MED31: variants seen among roughly 807,000 people sequenced by gnomAD.
MED31 encodes mediator complex subunit 31.
In MED31, 11 loss-of-function variants were observed where a neutral mutation model predicts 22.0. The ratio of observed to expected loss-of-function variants is 0.50; its 90% CI spans 0.31 to 0.83. MED31 has a LOEUF of 0.83. MED31 is among the 40% of genes least tolerant of loss of function. MED31 has a pLI of 0.04. For missense variants in MED31, 122 were observed against 155.3 expected (o/e 0.79, Z 1.14); for synonymous variants, 60 against 55.1 (o/e 1.09, Z -0.40).
intron 3 of MED31, among the ~76,000 whole-genome samples, chr17:6,646,519 G>A (rs1174098848): frequency 6.6e-6 from 1 of 152,152 alleles, no homozygotes; most frequent in Admixed American, 6.5e-5. Flanking sequence ...CCAACTCTGT[G>A]CCCCCAGAAA....
At chr17:6,645,183 G>A (rs78929485) in intron 3 of MED31, among the ~76,000 whole-genome samples, 4,124 of 152,296 alleles carry the variant, frequency 0.027, 177 homozygotes, top group African/African-American at 0.09. Flanking sequence ...GATAAGGACA[G>A]CCAAATTTCT....
At chr17:6,648,228 C>T (rs1476612922) in intron 3 of MED31, among the ~76,000 whole-genome samples, 1 of 152,220 alleles carries the variant, frequency 6.6e-6, no homozygotes, top group Non-Finnish European at 1.5e-5. Context: ...CACCTGAAGG[C>T]CTGTGTTTAG....
intron 3 of MED31, among the ~76,000 whole-genome samples, chr17:6,649,042 A>G (rs17736877): frequency 0.17 from 25,204 of 152,188 alleles, 2,669 homozygotes; most frequent in Non-Finnish European, 0.23. Context: ...TGCAGGCAAC[A>G]TAAGACGTAT....
chr17:6,649,410 A>T (rs1172962667), intron 3 of MED31, among the ~76,000 whole-genome samples: 1 of 152,202 alleles, frequency 6.6e-6, no homozygotes, highest in Non-Finnish European at 1.5e-5. Context: ...TAAATAAAAG[A>T]CAGCAACTCT....
rs1597631255 is a variant in MED31 at position 6,644,043 on chromosome 17, A to C, written c.*424T>G. 2.5e-6 allele frequency: 1 copy of C among 401,670 alleles called. No homozygotes were observed. Among genetic ancestry groups the C allele is most frequent in the African/African-American group, 2.1e-5 (1 of 48,624 alleles). The allele number at this position is 401,670 out of a possible 1,614,324, so 24.9% of individuals were successfully genotyped here. A position where few individuals can be genotyped will look rare whatever the true frequency, so the allele number is the denominator to read the frequency against. On this transcript the variant is annotated 3_prime_UTR_variant, in exon 4 of 4. Coordinates refer to ENST00000225728, the MANE Select transcript of MED31 (RefSeq NM_016060.3). ...TCAGTGACTCCGCTACTCTCACTAC[A>C]TCTTAGAGTAGAGTGGTAGAGTAGT...
In MED31 at chr17:6,644,023, G is replaced by T; in HGVS notation, c.*444C>A. 1 of 399,854 alleles carries T rather than the reference G, an allele frequency of 2.5e-6. No homozygotes were observed. Among genetic ancestry groups the T allele is most frequent in the South Asian group, 1.3e-4 (1 of 7,858 alleles). The allele number at this position is 399,854 out of a possible 1,614,324, so 24.8% of individuals were successfully genotyped here. ...TGTCCTATGATTTAAAGAGGTCAGT[G>T]ACTCCGCTACTCTCACTACATCTTA... On this transcript the variant is annotated 3_prime_UTR_variant, in exon 4 of 4. Coordinates refer to ENST00000225728, the MANE Select transcript of MED31 (RefSeq NM_016060.3).
intron 3 of MED31, among the ~76,000 whole-genome samples, chr17:6,647,845 AAG>A (rs1972784553): frequency 6.6e-6 from 1 of 152,240 alleles, no homozygotes; most frequent in Admixed American, 6.5e-5. Flanking sequence ...TGTGACAACC[AAG>A]AGAATGGTCT....
intron 3 of MED31, among the ~76,000 whole-genome samples, chr17:6,645,465 G>A (rs935213157): frequency 6.6e-6 from 1 of 152,120 alleles, no homozygotes; most frequent in African/African-American, 2.4e-5. Flanking sequence ...GGTTTCCTTG[G>A]AGAAAAGGGT....
At chr17:6,650,810 C>G (rs73351897) in intron 1 of MED31, among the ~76,000 whole-genome samples, 5 of 151,944 alleles carry the variant, frequency 3.3e-5, no homozygotes, top group Non-Finnish European at 5.9e-5. Flanking sequence ...GTTTCGCAAA[C>G]GCTAGGGGCT....
Position 6,644,224 on chromosome 17 carries a change from C to T in MED31, c.*243G>A. On this transcript the variant is annotated 3_prime_UTR_variant, in exon 4 of 4. Transcript: ENST00000225728. ...ACCTAACTTTTCCATTCTTAATCAG[C>T]TGATTATGCTAAATGCGTAAAAAAG... 6.0e-6 allele frequency: 3 copies of T among 502,726 alleles called. No homozygotes were observed. Among genetic ancestry groups the T allele is most frequent in the East Asian group, 3.3e-5 (1 of 30,602 alleles). 31.1% of individuals were successfully genotyped at this position (502,726 alleles called of 1,614,324 possible).
chr17:6,646,122 T>TA (rs1187170029), intron 3 of MED31, among the ~76,000 whole-genome samples: 2 of 152,078 alleles, frequency 1.3e-5, no homozygotes, highest in African/African-American at 2.4e-5. Flanking sequence ...AAATGCAACA[T>TA]ACGGGCCTAG....
chr17:6,649,540 G>T (rs114731762), intron 3 of MED31, among the ~76,000 whole-genome samples: 465 of 152,242 alleles, frequency 3.1e-3, no homozygotes, highest in African/African-American at 0.01. Context: ...AGTTCTTAGG[G>T]ACCAGAAACC....
intron 3 of MED31, among the ~76,000 whole-genome samples, chr17:6,645,087 G>A (rs866734034): frequency 6.6e-6 from 1 of 152,164 alleles, no homozygotes; most frequent in South Asian, 2.1e-4. Flanking sequence ...AGGACTATGC[G>A]CATACATTGT....
In MED31 at chr17:6,643,322, A is replaced by G. The variant is rs1597630684; in HGVS notation, c.*1145T>C. 1 of 235,572 alleles carries G rather than the reference A, an allele frequency of 4.2e-6. No homozygotes were observed. The highest frequency in any genetic ancestry group is 9.3e-5 in the East Asian group (1 of 10,718). 14.6% of individuals were successfully genotyped at this position (235,572 alleles called of 1,614,324 possible). ...GCACACCTTCCAAATCTCTCAAAAG[A>G]TCAGTATCTTTTATTTTAAGTTATC... On this transcript the variant is annotated 3_prime_UTR_variant, in exon 4 of 4. Coordinates refer to ENST00000225728, the MANE Select transcript of MED31 (RefSeq NM_016060.3).
chr17:6,644,691 A>G (rs1486663332), intron 3 of MED31, 32 bp from the exon 4 acceptor site: 1 of 1,518,614 alleles, frequency 6.6e-7, no homozygotes, highest in Non-Finnish European at 8.8e-7. Context: ...AATGAACAAC[A>G]TAATTTAGGT....
chr17:6,650,150 A>G, intron 2 of MED31, 72 bp from the exon 3 acceptor site: 1 of 1,435,822 alleles, frequency 7.0e-7, no homozygotes, highest in South Asian at 1.3e-5. Flanking sequence ...CCCCTAATAT[A>G]AAGGATCTAT....
At chr17:6,650,512 T>A in intron 1 of MED31, 79 bp from the exon 2 acceptor site, 2 of 1,311,786 alleles carry the variant, frequency 1.5e-6, no homozygotes, top group Non-Finnish European at 2.2e-6. Context: ...GAAAGAGCAA[T>A]AAAGAAACCT....
chr17:6,651,289 G>A (rs1009467927), intron 1 of MED31: 39 of 619,826 alleles, frequency 6.3e-5, no homozygotes, highest in African/African-American at 6.3e-4. Flanking sequence ...AGCTGGTGGG[G>A]TGGTGTCTGA....
chr17:6,644,890 G>A (rs73351878), intron 3 of MED31, among the ~76,000 whole-genome samples: 1,576 of 152,296 alleles, frequency 0.01, 32 homozygotes, highest in African/African-American at 0.035. Flanking sequence ...ACTTGCTCAA[G>A]ACCACACAAC....
Sources: allele counts gnomAD v4.1 joint callset (sites outside exome capture counted in the v4.1 genomes callset), GRCh38; gene constraint gnomAD v4.1.1; transcripts MANE v1.5; gene names NCBI Gene and HGNC (gene_info 2026-07-23, HGNC 2026-07-21).